PCDH15: variants seen among roughly 807,000 people sequenced by gnomAD.
PCDH15 encodes the protein protocadherin-15.
In PCDH15, 129 loss-of-function variants were observed where a neutral mutation model predicts 178.5. That is an observed-to-expected ratio of 0.72 (90% CI 0.63 to 0.84). The LOEUF (loss-of-function observed/expected upper bound fraction) is 0.84. Among genes scored for constraint, PCDH15 ranks in the 40% least tolerant of loss-of-function variants. PCDH15 has a pLI of 0.00. For synonymous variants in PCDH15, 800 were observed against 732.0 expected, an observed-to-expected ratio of 1.09 and a Z score of -1.50; for missense variants, 2,230 against 2,099.9, an observed-to-expected ratio of 1.06 and a Z score of -1.21.
intron 2 of PCDH15, among the ~76,000 whole-genome samples, chr10:55,570,989 A>C (rs1422113526): frequency 6.6e-6 from 1 of 152,066 alleles, no homozygotes; most frequent in African/African-American, 2.4e-5. Flanking sequence ...TAAATATAGA[A>C]TATAGTTTGG....
At chr10:55,466,081 A>G (rs1465274254) in intron 2 of PCDH15, among the ~76,000 whole-genome samples, 1 of 152,112 alleles carries the variant, frequency 6.6e-6, no homozygotes, top group Non-Finnish European at 1.5e-5. Context: ...TGCCCTCTGG[A>G]GCTCATCATT....
chr10:54,607,906 T>C (rs1321394893), intron 2 of PCDH15: 2 of 525,990 alleles, frequency 3.8e-6, no homozygotes, highest in Non-Finnish European at 7.8e-6. Flanking sequence ...ATTACAGTTT[T>C]TGTCTTTGAA....
intron 3 of PCDH15, among the ~76,000 whole-genome samples, chr10:54,827,877 A>G (rs1048974001): frequency 1.3e-5 from 2 of 152,068 alleles, no homozygotes; most frequent in African/African-American, 4.8e-5. Flanking sequence ...CAGGTGATGA[A>G]ATAAGTTTTT....
At chr10:54,479,381 T>C (rs950096734) in intron 3 of PCDH15, among the ~76,000 whole-genome samples, 1 of 151,972 alleles carries the variant, frequency 6.6e-6, no homozygotes, top group Non-Finnish European at 1.5e-5. Flanking sequence ...CTTAAATGTG[T>C]GTGTGTAACA....
chr10:54,497,778 A>G (rs2080272086), intron 3 of PCDH15, among the ~76,000 whole-genome samples: 1 of 152,108 alleles, frequency 6.6e-6, no homozygotes, highest in South Asian at 2.1e-4. Flanking sequence ...AAGAAAATGA[A>G]CAAAACTTTT....
At chr10:54,987,788 A>T (rs1469062651) in intron 2 of PCDH15, among the ~76,000 whole-genome samples, 3 of 150,348 alleles carry the variant, frequency 2.0e-5, no homozygotes, top group Non-Finnish European at 4.4e-5. Flanking sequence ...AGATTGCAAA[A>T]TTTTTTTTCC....
intron 2 of PCDH15, among the ~76,000 whole-genome samples, chr10:55,334,377 G>C (rs965859245): frequency 6.8e-6 from 1 of 147,664 alleles, no homozygotes; most frequent in South Asian, 2.2e-4. Flanking sequence ...GCGTGATCTC[G>C]GCTCACCGCA....
intron 21 of PCDH15, among the ~76,000 whole-genome samples, chr10:53,969,097 C>G (rs1450929485): frequency 1.3e-5 from 2 of 152,006 alleles, no homozygotes; most frequent in Non-Finnish European, 2.9e-5. Flanking sequence ...CACAAAGAAG[C>G]TAAAAACCTT....
chr10:53,947,000 A>C (rs558510601), intron 23 of PCDH15, among the ~76,000 whole-genome samples: 1 of 151,368 alleles, frequency 6.6e-6, no homozygotes, highest in African/African-American at 2.4e-5. Context: ...CTGGTCTTGA[A>C]CTCCTGACCT....
At chr10:54,568,546 A>G (rs1431064225) in intron 2 of PCDH15, 3 of 152,044 alleles carry the variant, frequency 2.0e-5, no homozygotes, top group Non-Finnish European at 4.4e-5. Flanking sequence ...CACTGATCTT[A>G]AATATTACTG....
intron 2 of PCDH15, among the ~76,000 whole-genome samples, chr10:55,590,318 T>TG (rs1842818419): frequency 6.9e-5 from 2 of 29,142 alleles, no homozygotes; most frequent in South Asian, 1.2e-3. Flanking sequence ...TGTTGTGGGG[T>TG]GGGGGAGGGG....
intron 2 of PCDH15, among the ~76,000 whole-genome samples, chr10:55,457,080 G>C (rs1839570459): frequency 6.6e-6 from 1 of 152,008 alleles, no homozygotes; most frequent in Non-Finnish European, 1.5e-5. Context: ...CAATGTGAAA[G>C]TACGAAGTCC....
At chr10:54,987,986 A>G (rs1023159074) in intron 2 of PCDH15, among the ~76,000 whole-genome samples, 1 of 151,920 alleles carries the variant, frequency 6.6e-6, no homozygotes, top group Non-Finnish European at 1.5e-5. Context: ...TAGGATTTTT[A>G]TGGTTTGGGG....
At chr10:54,272,053 A>G (rs993078430) in intron 8 of PCDH15, among the ~76,000 whole-genome samples, 13 of 142,612 alleles carry the variant, frequency 9.1e-5, no homozygotes, top group Admixed American at 8.4e-4. Flanking sequence ...ATATATATAA[A>G]ACATTTGCTA....
chr10:55,517,217 A>T (rs1053642721), intron 2 of PCDH15, among the ~76,000 whole-genome samples: 1 of 152,146 alleles, frequency 6.6e-6, no homozygotes, highest in Non-Finnish European at 1.5e-5. Context: ...TTCAACTAAC[A>T]GTTTACTTGT....
In PCDH15 at chr10:53,840,413, G is replaced by A. The variant is rs934026173; in HGVS notation, c.3890C>T (p.Ala1297Val). 6 of 1,613,976 alleles carry A rather than the reference G, an allele frequency of 3.7e-6. No homozygotes were observed. The highest frequency in any genetic ancestry group is 1.7e-5 in the Admixed American group (1 of 60,016). The change falls in exon 29 of 38, where the codon GCC becomes GTC. Residue 1297 changes from alanine to valine, a missense_variant. By Grantham distance (64) the Ala-to-Val change is moderately conservative. Transcript: ENST00000644397. ...TTTGGTGTAATCTTCTAGGGAAAAG[G>A]CATCTCCATGCCGGCGAGCTCCAAT... ...ESIGARRHGDAFSLEDYTKCD... is the reference protein window; with the variant it reads ...ESIGARRHGDVFSLEDYTKCD...
At chr10:55,202,270 C>A (rs765148666) in intron 1 of PCDH15, among the ~76,000 whole-genome samples, 1 of 151,918 alleles carries the variant, frequency 6.6e-6, no homozygotes. Context: ...AAAGCAGCCA[C>A]GGGGAAATAC....
intron 2 of PCDH15, among the ~76,000 whole-genome samples, chr10:55,064,263 C>T (rs1161787242): frequency 6.6e-6 from 1 of 152,114 alleles, no homozygotes; most frequent in Admixed American, 6.6e-5. Flanking sequence ...ACTACCACTA[C>T]TGCTACTTGT....
At chr10:54,630,215 C>T (rs1260912511) in intron 2 of PCDH15, among the ~76,000 whole-genome samples, 3 of 152,090 alleles carry the variant, frequency 2.0e-5, no homozygotes, top group South Asian at 2.1e-4. Flanking sequence ...TAAAGCAATA[C>T]TAAGTGAAGA....
Sources: allele counts gnomAD v4.1 joint callset (sites outside exome capture counted in the v4.1 genomes callset), GRCh38; gene constraint gnomAD v4.1.1; transcripts MANE v1.5; gene names NCBI Gene and HGNC (gene_info 2026-07-23, HGNC 2026-07-21).